Variants in PHEX observed in about 807,000 individuals in gnomAD.
PHEX encodes phosphate-regulating neutral endopeptidase PHEX.
PHEX carries 16 observed loss-of-function variants against 68.0 expected under a neutral mutation model. The observed-to-expected ratio is 0.24, with a 90% CI of 0.16 to 0.36. The LOEUF (loss-of-function observed/expected upper bound fraction) is 0.36, where lower values mean the gene tolerates loss of function less well. PHEX is among the 10% of genes least tolerant of loss of function. The pLI is 1.00. For missense variants in PHEX, 480 were observed against 575.5 expected (o/e 0.83, Z 1.70); for synonymous variants, 208 against 205.1 (o/e 1.01, Z -0.12).
intron 21 of PHEX, among the ~76,000 whole-genome samples, chrX:22,246,905 A>G (rs1335313130): frequency 1.8e-5 from 2 of 111,820 alleles, no homozygotes; most frequent in African/African-American, 6.5e-5. Flanking sequence ...GGAGTTGAGT[A>G]AGAAATAGAA....
chrX:22,033,387 T>C (rs1602241257), intron 1 of PHEX, among the ~76,000 whole-genome samples: 1 of 81,182 alleles, frequency 1.2e-5, no homozygotes, highest in Admixed American at 1.3e-4. Context: ...GCTGATTCTG[T>C]TGCATTGGGT....
chrX:22,234,834 C>G (rs867301530), intron 20 of PHEX, among the ~76,000 whole-genome samples: 1 of 88,516 alleles, frequency 1.1e-5, no homozygotes, highest in East Asian at 4.5e-4. Context: ...AAAAAAAAAC[C>G]ACACACACAC....
At chrX:22,033,730 T>G (rs939332892) in intron 1 of PHEX, among the ~76,000 whole-genome samples, 3 of 112,233 alleles carry the variant, frequency 2.7e-5, no homozygotes, top group Admixed American at 1.9e-4. Flanking sequence ...TTCAGTTATT[T>G]TAATGACTGT....
In PHEX at chrX:22,229,020, C is replaced by T. The variant is rs1003093170; in HGVS notation, c.2070+1409C>T. Among the ~76,000 whole-genome samples, 3 of 111,416 alleles carry T rather than the reference C, an allele frequency of 2.7e-5. No individual in the cohort carries two copies. In the Admixed American group the frequency reaches 2.9e-4, roughly 11 times the overall value. ...TCTTGTGATAGTTTGCTGAGAATGA[C>T]GGTTTCCAGATTCATCCATGTCCCT... On this transcript the variant is annotated intron_variant, in intron 20 of 21. Coordinates refer to ENST00000379374, the MANE Select transcript of PHEX (RefSeq NM_000444.6).
chrX:22,236,166 T>C lies in PHEX; in HGVS notation c.2070+8555T>C, dbSNP rs145303471. Among the ~76,000 whole-genome samples, 18 of 112,130 alleles carry C rather than the reference T, an allele frequency of 1.6e-4. 1 individual carries two copies. The East Asian group carries it at 4.2e-3, about 26-fold the overall frequency. On this transcript the variant is annotated intron_variant, in intron 20 of 21. Coordinates refer to ENST00000379374, the MANE Select transcript of PHEX (RefSeq NM_000444.6). Reference sequence around the variant, plus strand: ...TTCCTACTCTTCCCCTTCAGATGATTATTCAATCTAAGCTTCATCCTTCAG... The same window carrying C: ...TTCCTACTCTTCCCCTTCAGATGATCATTCAATCTAAGCTTCATCCTTCAG...
At chrX:22,216,527 A>G (rs1170407641) in intron 16 of PHEX, among the ~76,000 whole-genome samples, 1 of 102,511 alleles carries the variant, frequency 9.8e-6, no homozygotes, top group Non-Finnish European at 2.0e-5. Flanking sequence ...TTATTTATTT[A>G]TTTATTTATG....
At chrX:22,067,997 T>G (rs2147009009) in intron 3 of PHEX, among the ~76,000 whole-genome samples, 1 of 110,090 alleles carries the variant, frequency 9.1e-6, no homozygotes, top group South Asian at 3.9e-4. Flanking sequence ...CATGCCCAGC[T>G]AATTTTTTTT....
At chrX:22,223,221 G>A (rs889752908) in intron 18 of PHEX, among the ~76,000 whole-genome samples, 5 of 111,926 alleles carry the variant, frequency 4.5e-5, no homozygotes, top group Admixed American at 9.5e-5. Context: ...TATAGGAGCC[G>A]TTCCTTTGTG....
intron 15 of PHEX, among the ~76,000 whole-genome samples, chrX:22,195,709 A>G (rs145033282): frequency 1.4e-4 from 16 of 112,111 alleles, no homozygotes; most frequent in African/African-American, 4.9e-4. Context: ...GTTCTGTTTC[A>G]TGTGTATAAA....
chrX:22,148,765 A>AT (rs912043177), intron 12 of PHEX, among the ~76,000 whole-genome samples: 11 of 110,612 alleles, frequency 9.9e-5, no homozygotes, highest in Non-Finnish European at 1.7e-4. Context: ...CTTACTTAGC[A>AT]TTTTTTTTCT....
intron 5 of PHEX, 51 bp downstream of exon 5, chrX:22,077,753 TG>T (rs765782770): frequency 6.4e-6 from 6 of 930,859 alleles, no homozygotes; most frequent in Non-Finnish European, 4.7e-6. Flanking sequence ...ATTAGCCTTT[TG>T]GGGTGCCATC....
At position 22,228,162 on chromosome X, in the gene PHEX, T is replaced by C. The variant is rs752996762; in HGVS notation, c.2070+551T>C. On this transcript the variant is annotated intron_variant, in intron 20 of 21. Coordinates refer to ENST00000379374, the MANE Select transcript of PHEX (RefSeq NM_000444.6). Reference sequence around the variant, plus strand: ...CTTGGAGCAGAAATTGAAAGGAAGATGTACACGAAATAAAGCACAGTTCCG... The same window carrying C: ...CTTGGAGCAGAAATTGAAAGGAAGACGTACACGAAATAAAGCACAGTTCCG... Among the ~76,000 whole-genome samples, 3 of 112,187 alleles carry C rather than the reference T, an allele frequency of 2.7e-5. No homozygotes were observed. The South Asian group carries it at 1.1e-3, about 42-fold the overall frequency.
intron 3 of PHEX, among the ~76,000 whole-genome samples, chrX:22,071,047 G>A (rs946991574): frequency 2.7e-5 from 3 of 111,586 alleles, no homozygotes; most frequent in African/African-American, 9.8e-5. Context: ...AATCCTCAAG[G>A]GCCTCATCCT....
chrX:22,176,399 AAAAAT>A lies in PHEX; in HGVS notation c.1483-1872_1483-1868del, dbSNP rs202082966. On this transcript the variant is annotated intron_variant, in intron 13 of 21. Coordinates refer to ENST00000379374, the MANE Select transcript of PHEX (RefSeq NM_000444.6). ...GAGACTGTCTCAAAAAAAAAAAAAA[AAAAAT>A]ATATATATATATATATATATATGTA... is the stretch of plus-strand genomic sequence containing the variant. 5.0e-3 allele frequency among the ~76,000 whole-genome samples: 322 copies of A among 64,760 alleles called. 2 individuals are homozygous for A. Among genetic ancestry groups the A allele is most frequent in the African/African-American group, 0.029 (301 of 10,300 alleles). The allele number at this position is 64,760 out of a possible 115,157, so 56.2% of individuals were successfully genotyped here.
In PHEX at chrX:22,049,903, T is replaced by C. The variant is rs952139659; in HGVS notation, c.349+2692T>C. 2.7e-5 allele frequency among the ~76,000 whole-genome samples: 3 copies of C among 112,485 alleles called. No individual in the cohort carries two copies. In the Admixed American group the frequency reaches 2.8e-4, roughly 11 times the overall value. On this transcript the variant is annotated intron_variant, in intron 3 of 21. Coordinates refer to ENST00000379374, the MANE Select transcript of PHEX (RefSeq NM_000444.6). ...TTTGTTTCTAGGTCTTTATATTTTT[T>C]TGATGTTTTAAAGGATAACTTTTTC... is the stretch of plus-strand genomic sequence containing the variant.
Position 22,047,071 on chromosome X carries a change from T to G in PHEX, c.209T>G (p.Val70Gly), listed in dbSNP as rs754929336. ...IEAAAAILSK[V>G]NLSVDPCDNF... ...ATAGCTGCTGCCATCTTAAGTAAAG[T>G]AAATCTGTCTGTGGATCCTTGTGAT... The change falls in exon 3 of 22, where the codon GTA becomes GGA. Residue 70 changes from valine to glycine, a missense_variant. Physicochemically the swap from Val to Gly is moderately radical, Grantham distance 109 (BLOSUM62 -3). Transcript: ENST00000379374. The G allele has an allele frequency of 1.3e-5, 16 of 1,209,499 alleles. No individual in the cohort carries two copies. Among genetic ancestry groups the G allele is most frequent in the Non-Finnish European group, 1.8e-5 (16 of 893,271 alleles).
At position 22,209,439 on chromosome X, in the gene PHEX, C is replaced by G. The variant is rs767508958; in HGVS notation, c.1646-3465C>G. On this transcript the variant is annotated intron_variant, in intron 15 of 21. Coordinates refer to ENST00000379374, the MANE Select transcript of PHEX (RefSeq NM_000444.6). The stretch of plus-strand genomic sequence containing the variant: ...ACACAAAATAACTCCATACACTGTA[C>G]TGAATGCTGTTTTTCACTTAATATT... Among the ~76,000 whole-genome samples the G allele has an allele frequency of 9.2e-4, 101 of 109,868 alleles. 1 individual carries two copies. The highest frequency in any genetic ancestry group is 3.0e-3 in the African/African-American group (92 of 30,180).
chrX:22,134,498 C>A (rs1456296820), intron 12 of PHEX, among the ~76,000 whole-genome samples: 1 of 112,394 alleles, frequency 8.9e-6, no homozygotes, highest in African/African-American at 3.2e-5. Context: ...GAGGCTGAGG[C>A]AGGAGAATCG....
rs150334486 is a variant in PHEX, at chrX:22,217,908, C to T, written c.1701-1128C>T. Among the ~76,000 whole-genome samples, 276 of 111,313 alleles carry T rather than the reference C, an allele frequency of 2.5e-3. 3 individuals are homozygous for T. Among genetic ancestry groups the T allele is most frequent in the African/African-American group, 8.6e-3 (264 of 30,620 alleles). ...ATTCTTAATATGCTTTGCTATGTAA[C>T]AAAGCACCACCAAGCAACCATTTAT... is the stretch of plus-strand genomic sequence containing the variant. On this transcript the variant is annotated intron_variant, in intron 16 of 21. Transcript: ENST00000379374.
Sources: gnomAD v4.1 joint callset for allele counts (sites outside exome capture counted in the v4.1 genomes callset) on GRCh38, gnomAD v4.1.1 for gene constraint, MANE v1.5 for transcripts, NCBI Gene and HGNC (gene_info 2026-07-23, HGNC 2026-07-21) for gene names.